Variants in MARCHF1 observed in about 807,000 individuals in gnomAD.
MARCHF1 encodes the protein E3 ubiquitin-protein ligase MARCHF1.
A neutral mutation model predicts 54.2 loss-of-function variants in MARCHF1; 40 were observed. The ratio of observed to expected loss-of-function variants is 0.74; its 90% confidence interval spans 0.57 to 0.96. The LOEUF (loss-of-function observed/expected upper bound fraction) is 0.96. Ranked by LOEUF, MARCHF1 falls within the 40% of genes least tolerant of loss-of-function variation. The pLI is 0.00. For synonymous variants in MARCHF1, 236 were observed against 236.3 expected (o/e 1.00, Z 0.01); for missense variants, 586 against 656.5 (o/e 0.89, Z 1.17).
chr4:164,073,932 T>A (rs923572609), intron 2 of MARCHF1, among the ~76,000 whole-genome samples: 9 of 152,140 alleles, frequency 5.9e-5, no homozygotes, highest in Admixed American at 1.3e-4. Flanking sequence ...GCCTCCCAAG[T>A]AGCTGGGATT....
At chr4:163,582,293 A>G (rs1425193787) in intron 8 of MARCHF1, among the ~76,000 whole-genome samples, 1 of 152,172 alleles carries the variant, frequency 6.6e-6, no homozygotes, top group African/African-American at 2.4e-5. Flanking sequence ...AAGTATTCCA[A>G]AGGTAGCTGG....
chr4:163,952,068 C>T (rs1057119484), intron 3 of MARCHF1, among the ~76,000 whole-genome samples: 1 of 152,154 alleles, frequency 6.6e-6, no homozygotes, highest in Non-Finnish European at 1.5e-5. Context: ...TGATCTCCTA[C>T]CCCCTTAAGA....
chr4:163,609,740 C>A (rs1265520264), intron 7 of MARCHF1, among the ~76,000 whole-genome samples: 2 of 151,284 alleles, frequency 1.3e-5, no homozygotes, highest in Admixed American at 6.6e-5. Flanking sequence ...ATGTAGAACC[C>A]CACTATGTAA....
chr4:163,994,230 C>A (rs1373500825), intron 2 of MARCHF1, among the ~76,000 whole-genome samples: 1 of 150,414 alleles, frequency 6.6e-6, no homozygotes, highest in Admixed American at 6.7e-5. Flanking sequence ...CCTGTCCACT[C>A]TTATCGCTGA....
chr4:163,539,729 C>T (rs1738664738), intron 9 of MARCHF1, among the ~76,000 whole-genome samples: 1 of 152,206 alleles, frequency 6.6e-6, no homozygotes, highest in Non-Finnish European at 1.5e-5. Flanking sequence ...TTCCCTTCGT[C>T]AGGAGAAATG....
At chr4:164,063,309 T>C (rs189075119) in intron 2 of MARCHF1, among the ~76,000 whole-genome samples, 42 of 152,346 alleles carry the variant, frequency 2.8e-4, no homozygotes, top group Non-Finnish European at 1.5e-5. Context: ...CTTCTTCCAA[T>C]AGAAAGCTGT....
intron 5 of MARCHF1, among the ~76,000 whole-genome samples, chr4:163,638,231 T>C (rs1281907512): frequency 6.9e-6 from 1 of 144,992 alleles, no homozygotes; most frequent in Non-Finnish European, 1.5e-5. Flanking sequence ...ACCCTAAAAC[T>C]TAAAGTATAA....
intron 5 of MARCHF1, among the ~76,000 whole-genome samples, chr4:163,655,330 G>A (rs1400140115): frequency 6.6e-6 from 1 of 151,470 alleles, no homozygotes; most frequent in Non-Finnish European, 1.5e-5. Context: ...AATGCCTTCA[G>A]AATTCATTTT....
intron 1 of MARCHF1, among the ~76,000 whole-genome samples, chr4:164,333,286 TTTA>T (rs763795925): frequency 3.9e-5 from 6 of 152,176 alleles, no homozygotes; most frequent in African/African-American, 1.2e-4. Flanking sequence ...TGTAACTCAT[TTTA>T]TTATACTTCA....
chr4:164,073,503 G>C (rs866586717), intron 2 of MARCHF1, among the ~76,000 whole-genome samples: 3 of 152,006 alleles, frequency 2.0e-5, no homozygotes, highest in Non-Finnish European at 2.9e-5. Flanking sequence ...TCAGGGAGTG[G>C]GGGGCAGGGG....
chr4:164,289,010 G>A (rs1734219007), intron 1 of MARCHF1, among the ~76,000 whole-genome samples: 1 of 152,026 alleles, frequency 6.6e-6, no homozygotes, highest in Non-Finnish European at 1.5e-5. Context: ...AATCTTGAAT[G>A]CCTGAGCTTT....
chr4:164,318,029 T>C (rs936739551), intron 1 of MARCHF1, among the ~76,000 whole-genome samples: 8 of 152,212 alleles, frequency 5.3e-5, no homozygotes, highest in African/African-American at 1.7e-4. Context: ...CAATCCTGGT[T>C]ACTCTTTTAA....
chr4:164,218,955 C>T (rs1289996419), intron 1 of MARCHF1, among the ~76,000 whole-genome samples: 1 of 151,818 alleles, frequency 6.6e-6, no homozygotes, highest in Non-Finnish European at 1.5e-5. Context: ...TAAAAAGTAT[C>T]CCCAGGAGGC....
chr4:164,034,734 A>G (rs1753957451), intron 2 of MARCHF1, among the ~76,000 whole-genome samples: 2 of 152,200 alleles, frequency 1.3e-5, no homozygotes, highest in African/African-American at 4.8e-5. Flanking sequence ...ACCTTATTTT[A>G]AAAAAGAAAA....
intron 3 of MARCHF1, among the ~76,000 whole-genome samples, chr4:163,866,921 G>C (rs35903637): frequency 0.41 from 61,532 of 151,640 alleles, 13,579 homozygotes; most frequent in East Asian, 0.55. Flanking sequence ...CCAACAATGA[G>C]GTATCACAAT....
intron 4 of MARCHF1, among the ~76,000 whole-genome samples, chr4:163,761,643 T>C (rs1259173767): frequency 1.3e-5 from 2 of 152,196 alleles, no homozygotes; most frequent in Non-Finnish European, 2.9e-5. Context: ...CCCACAGTAA[T>C]CTTCCTTGTT....
intron 1 of MARCHF1, among the ~76,000 whole-genome samples, chr4:164,347,594 G>C (rs1730144443): frequency 6.6e-6 from 1 of 152,092 alleles, no homozygotes; most frequent in Admixed American, 6.6e-5. Context: ...TTAGTTCTAA[G>C]ATATCCACCG....
chr4:164,227,980 T>C (rs1732306398), intron 1 of MARCHF1, among the ~76,000 whole-genome samples: 1 of 152,172 alleles, frequency 6.6e-6, no homozygotes, highest in Non-Finnish European at 1.5e-5. Context: ...AGTCACATAA[T>C]CTATGACCCA....
At chr4:163,835,297 G>C (rs897185662) in intron 4 of MARCHF1, among the ~76,000 whole-genome samples, 4 of 152,072 alleles carry the variant, frequency 2.6e-5, no homozygotes, top group Admixed American at 2.6e-4. Context: ...GACCACATTC[G>C]TGGTTCTTAA....
Sources: gnomAD v4.1 joint callset for allele counts (sites outside exome capture counted in the v4.1 genomes callset) on GRCh38, gnomAD v4.1.1 for gene constraint, MANE v1.5 for transcripts, NCBI Gene and HGNC (gene_info 2026-07-23, HGNC 2026-07-21) for gene names.